The following NEK1 variants were observed in gnomAD, a reference collection of about 807,000 sequenced individuals.
NEK1 encodes serine/threonine-protein kinase Nek1.
NEK1 carries 137 observed loss-of-function variants against 182.1 expected under a neutral mutation model. The observed-to-expected ratio is 0.75, with a 90% CI of 0.65 to 0.87. NEK1 has a LOEUF of 0.87. Among genes scored for constraint, NEK1 ranks in the 40% least tolerant of loss-of-function variants. The probability of loss-of-function intolerance (pLI) is 0.00; values close to 1 mark genes in which losing one functional copy is unlikely to be tolerated. For synonymous variants in NEK1, 513 were observed against 492.2 expected (o/e 1.04, Z -0.56); for missense variants, 1,391 against 1,494.4 (o/e 0.93, Z 1.14).
chr4:169,448,858 CT>C (rs1741111487), intron 27 of NEK1, among the ~76,000 whole-genome samples: 1 of 152,214 alleles, frequency 6.6e-6, no homozygotes, highest in African/African-American at 2.4e-5. Context: ...GGGGCATCAC[CT>C]CACCTGGGAA....
intron 26 of NEK1, among the ~76,000 whole-genome samples, chr4:169,471,229 T>C (rs1745903534): frequency 6.6e-6 from 1 of 152,178 alleles, no homozygotes; most frequent in Admixed American, 6.5e-5. Flanking sequence ...TTCAGCCTTT[T>C]TGCGTTGGTT....
At chr4:169,558,451 C>A (rs2149924667) in intron 16 of NEK1, among the ~76,000 whole-genome samples, 1 of 152,326 alleles carries the variant, frequency 6.6e-6, no homozygotes, top group Non-Finnish European at 1.5e-5. Context: ...GCACTGTCAG[C>A]AACCACTGAT....
intron 18 of NEK1, among the ~76,000 whole-genome samples, chr4:169,543,280 A>C (rs1041591411): frequency 2.0e-5 from 3 of 152,206 alleles, no homozygotes; most frequent in Admixed American, 2.0e-4. Flanking sequence ...GGGTTTGTTA[A>C]AGAGCAGATG....
intron 19 of NEK1, among the ~76,000 whole-genome samples, chr4:169,525,199 G>C (rs1756707514): frequency 6.6e-6 from 1 of 152,098 alleles, no homozygotes; most frequent in Non-Finnish European, 1.5e-5. Context: ...TGCGATCTTG[G>C]CTCACTGCAA....
At chr4:169,500,122 G>A (rs963787630) in intron 23 of NEK1, among the ~76,000 whole-genome samples, 5 of 152,186 alleles carry the variant, frequency 3.3e-5, no homozygotes, top group Admixed American at 1.3e-4. Flanking sequence ...CCCCAGCCTC[G>A]CTGCCGCCTT....
At chr4:169,606,377 C>G (rs1170810335) in intron 2 of NEK1, among the ~76,000 whole-genome samples, 1 of 151,698 alleles carries the variant, frequency 6.6e-6, no homozygotes, top group South Asian at 2.1e-4. Flanking sequence ...GTTCTAGAAG[C>G]TGGCAAACAC....
intron 2 of NEK1, among the ~76,000 whole-genome samples, chr4:169,609,850 A>G (rs1002521410): frequency 6.6e-6 from 1 of 152,190 alleles, no homozygotes; most frequent in African/African-American, 2.4e-5. Context: ...AATTTCTCCA[A>G]TTAAAATCCT....
Position 169,408,555 on chromosome 4 carries a change from T to C in NEK1, c.3223-1808A>G, listed in dbSNP as rs527407222. Among the ~76,000 whole-genome samples the C allele has an allele frequency of 1.5e-4, 23 of 152,300 alleles. 1 individual carries two copies. The South Asian group carries it at 2.9e-3, about 19-fold the overall frequency. ...CGTTCTTCAGTGGTGATTTCTGATA[T>C]TGGTGCACGCAACACCCGAGCAGTG... On this transcript the variant is annotated intron_variant, in intron 31 of 35. Coordinates refer to ENST00000507142, the MANE Select transcript of NEK1 (RefSeq NM_001199397.3).
intron 23 of NEK1, among the ~76,000 whole-genome samples, chr4:169,501,878 G>A (rs1193885307): frequency 2.0e-5 from 3 of 151,880 alleles, no homozygotes; most frequent in Non-Finnish European, 2.9e-5. Context: ...AAAGCTAGCC[G>A]ACGAAAAGAA....
intron 23 of NEK1, among the ~76,000 whole-genome samples, chr4:169,484,170 C>T (rs1402440374): frequency 6.6e-6 from 1 of 152,136 alleles, no homozygotes; most frequent in Non-Finnish European, 1.5e-5. Flanking sequence ...AATCACTTCT[C>T]TACCACATAC....
chr4:169,453,291 T>A (rs968679960), intron 27 of NEK1, among the ~76,000 whole-genome samples: 2 of 152,200 alleles, frequency 1.3e-5, no homozygotes, highest in African/African-American at 4.8e-5. Flanking sequence ...ATGACTTTCT[T>A]CACAGAATTG....
At chr4:169,525,279 C>A (rs925184947) in intron 19 of NEK1, among the ~76,000 whole-genome samples, 1 of 152,100 alleles carries the variant, frequency 6.6e-6, no homozygotes, top group African/African-American at 2.4e-5. Flanking sequence ...CAGGCACGCA[C>A]CACCATGCCC....
chr4:169,590,627 C>G, intron 6 of NEK1, 99 bp downstream of exon 6: 2 of 673,734 alleles, frequency 3.0e-6, no homozygotes, highest in East Asian at 2.8e-5. Flanking sequence ...GACAGATAAT[C>G]TGATGCACAC....
chr4:169,569,982 C>G (rs2149995738), intron 12 of NEK1, among the ~76,000 whole-genome samples: 1 of 151,600 alleles, frequency 6.6e-6, no homozygotes, highest in South Asian at 2.1e-4. Context: ...GCCCCTCTGC[C>G]TGGCTGCCCA....
chr4:169,400,722 T>TTTTAG, intron 33 of NEK1, 71 bp from the exon 34 acceptor site: 1 of 1,100,114 alleles, frequency 9.1e-7, no homozygotes, highest in Non-Finnish European at 1.3e-6. Flanking sequence ...TAGACTAAAA[T>TTTTAG]TCTATGACAA....
chr4:169,442,984 C>T (rs188080627), intron 27 of NEK1, among the ~76,000 whole-genome samples: 1 of 152,146 alleles, frequency 6.6e-6, no homozygotes, highest in Non-Finnish European at 1.5e-5. Context: ...CTGTAGTGAG[C>T]TATGATTGCA....
At chr4:169,471,166 G>T (rs1244482093) in intron 26 of NEK1, among the ~76,000 whole-genome samples, 2 of 152,168 alleles carry the variant, frequency 1.3e-5, no homozygotes, top group African/African-American at 4.8e-5. Context: ...TTCCCTTACT[G>T]GCAAGGAGTT....
At chr4:169,471,212 G>A (rs999596899) in intron 26 of NEK1, among the ~76,000 whole-genome samples, 8 of 152,100 alleles carry the variant, frequency 5.3e-5, no homozygotes, top group Admixed American at 1.3e-4. Context: ...TTCTGGTTTT[G>A]GGAATTTTCA....
chr4:169,608,139 A>AAAG (rs1553961016), intron 2 of NEK1, among the ~76,000 whole-genome samples: 2 of 151,674 alleles, frequency 1.3e-5, no homozygotes, highest in East Asian at 1.9e-4. Context: ...ACACACACAC[A>AAAG]AAGAAGAAGA....
Sources: gnomAD v4.1 joint callset for allele counts (sites outside exome capture counted in the v4.1 genomes callset) on GRCh38, gnomAD v4.1.1 for gene constraint, MANE v1.5 for transcripts, NCBI Gene and HGNC (gene_info 2026-07-23, HGNC 2026-07-21) for gene names.